TRPC6: variants seen among roughly 807,000 people sequenced by gnomAD.
The protein encoded by TRPC6 is transient receptor potential cation channel subfamily C member 6.
A neutral mutation model predicts 90.7 loss-of-function variants in TRPC6; 55 were observed. The observed-to-expected ratio is 0.61, with a 90% confidence interval of 0.49 to 0.76. TRPC6 has a LOEUF of 0.76. Among genes scored for constraint, TRPC6 ranks in the 30% least tolerant of loss-of-function variants. TRPC6 has a pLI of 0.00. For missense variants in TRPC6, 989 were observed against 1,122.7 expected, an observed-to-expected ratio of 0.88 and a Z score of 1.70; for synonymous variants, 393 against 393.0, an observed-to-expected ratio of 1.00 and a Z score of 0.00.
intron 1 of TRPC6, among the ~76,000 whole-genome samples, chr11:101,566,723 C>A (rs1024229027): frequency 6.6e-6 from 1 of 152,110 alleles, no homozygotes; most frequent in African/African-American, 2.4e-5. Context: ...GGGTGCAACA[C>A]AAGGAGGGCC....
At chr11:101,470,458 C>T (rs118139389) in intron 9 of TRPC6, among the ~76,000 whole-genome samples, 2 of 152,226 alleles carry the variant, frequency 1.3e-5, no homozygotes, top group East Asian at 3.9e-4. Flanking sequence ...CCTCTGGATA[C>T]ACCTGGTATC....
chr11:101,474,550 T>G (rs1445985485), intron 6 of TRPC6, among the ~76,000 whole-genome samples: 1 of 152,148 alleles, frequency 6.6e-6, no homozygotes, highest in African/African-American at 2.4e-5. Context: ...AAAAGCAGTT[T>G]CCTTTTTTAT....
chr11:101,539,965 T>G (rs1417726869), intron 1 of TRPC6, among the ~76,000 whole-genome samples: 1 of 152,212 alleles, frequency 6.6e-6, no homozygotes, highest in African/African-American at 2.4e-5. Context: ...ATGGGAGCAT[T>G]TGTTTTTATT....
chr11:101,499,441 C>A (rs1474753970), intron 2 of TRPC6, among the ~76,000 whole-genome samples: 3 of 149,720 alleles, frequency 2.0e-5, no homozygotes, highest in African/African-American at 7.5e-5. Context: ...ATATTTATTC[C>A]TACTACTATT....
At chr11:101,539,334 A>G in intron 1 of TRPC6, among the ~76,000 whole-genome samples, 1 of 151,864 alleles carries the variant, frequency 6.6e-6, no homozygotes, top group East Asian at 1.9e-4. Flanking sequence ...TAGAGTGAGG[A>G]AAACCCTCCC....
intron 4 of TRPC6, among the ~76,000 whole-genome samples, chr11:101,485,657 T>C (rs890295192): frequency 1.3e-5 from 2 of 152,096 alleles, no homozygotes; most frequent in Admixed American, 1.3e-4. Flanking sequence ...GTGAAATTCA[T>C]GAAAAAGTTA....
chr11:101,522,357 C>T (rs1211961649), intron 1 of TRPC6, among the ~76,000 whole-genome samples: 4 of 152,174 alleles, frequency 2.6e-5, no homozygotes, highest in African/African-American at 7.2e-5. Flanking sequence ...GTGCCTGCTT[C>T]GCCTTGCCTT....
chr11:101,543,334 C>T (rs971634259), intron 1 of TRPC6, among the ~76,000 whole-genome samples: 1 of 151,968 alleles, frequency 6.6e-6, no homozygotes, highest in Non-Finnish European at 1.5e-5. Context: ...ACTCTATGAC[C>T]ATGCAATCCC....
intron 10 of TRPC6, among the ~76,000 whole-genome samples, chr11:101,455,997 AAT>A (rs1290014261): frequency 2.0e-5 from 3 of 152,090 alleles, no homozygotes; most frequent in Non-Finnish European, 2.9e-5. Flanking sequence ...AATAATAAAC[AAT>A]ATATAAATTT....
rs1383044275 is a variant in TRPC6, at chr11:101,583,957, T to C, written c.-454A>G. 6.4e-6 allele frequency: 1 copy of C among 156,436 alleles called. No individual in the cohort carries two copies. Among genetic ancestry groups the C allele is most frequent in the Non-Finnish European group, 1.4e-5 (1 of 71,096 alleles). The allele number at this position is 156,436 out of a possible 1,614,324, so 9.7% of individuals were successfully genotyped here. A position where few individuals can be genotyped will look rare whatever the true frequency, so the allele number is the denominator to read the frequency against. On this transcript the variant is annotated 5_prime_UTR_variant, in exon 1 of 13. Transcript: ENST00000344327. Reference sequence around the variant, plus strand: ...CTTTAAAGGGATCCGAGCGACGTTCTAGAAAGCAGCCAAAGCCTGTCCTGT... The same window carrying C: ...CTTTAAAGGGATCCGAGCGACGTTCCAGAAAGCAGCCAAAGCCTGTCCTGT...
At chr11:101,506,529 A>G (rs984578111) in intron 1 of TRPC6, among the ~76,000 whole-genome samples, 1 of 152,072 alleles carries the variant, frequency 6.6e-6, no homozygotes, top group South Asian at 2.1e-4. Flanking sequence ...ATTGACAAAT[A>G]TTTTTCATAG....
At chr11:101,519,032 C>A (rs1860588910) in intron 1 of TRPC6, among the ~76,000 whole-genome samples, 1 of 152,022 alleles carries the variant, frequency 6.6e-6, no homozygotes, top group Non-Finnish European at 1.5e-5. Context: ...AGAATGGTTA[C>A]CAGAGGCTGG....
At chr11:101,572,402 C>T (rs1224462190) in intron 1 of TRPC6, among the ~76,000 whole-genome samples, 1 of 152,210 alleles carries the variant, frequency 6.6e-6, no homozygotes, top group Non-Finnish European at 1.5e-5. Flanking sequence ...CACTTTTACA[C>T]TGTTGGTGGG....
At position 101,452,520 on chromosome 11, in the gene TRPC6, C is replaced by G. The variant is rs1357511011; in HGVS notation, c.*435G>C. Reference sequence around the variant, plus strand: ...TCTAAAGGCCCATGGGCTACTTTTTCCCAAATTTCAGAGCTGGGAGTCCCC... The same window carrying G: ...TCTAAAGGCCCATGGGCTACTTTTTGCCAAATTTCAGAGCTGGGAGTCCCC... On this transcript the variant is annotated 3_prime_UTR_variant, in exon 13 of 13. Coordinates refer to ENST00000344327, the MANE Select transcript of TRPC6 (RefSeq NM_004621.6). 1 of 178,790 alleles carries G rather than the reference C, an allele frequency of 5.6e-6. No homozygotes were observed. Among genetic ancestry groups the G allele is most frequent in the Admixed American group, 5.4e-5 (1 of 18,448 alleles). The allele number at this position is 178,790 out of a possible 1,614,324, so 11.1% of individuals were successfully genotyped here. A position where few individuals can be genotyped will look rare whatever the true frequency, so the allele number is the denominator to read the frequency against.
intron 1 of TRPC6, among the ~76,000 whole-genome samples, chr11:101,575,248 A>C (rs2136895724): frequency 6.6e-6 from 1 of 152,334 alleles, no homozygotes; most frequent in East Asian, 1.9e-4. Context: ...TGCAATCTTT[A>C]GTCATGATCA....
At chr11:101,563,181 A>G (rs1861752394) in intron 1 of TRPC6, among the ~76,000 whole-genome samples, 1 of 152,206 alleles carries the variant, frequency 6.6e-6, no homozygotes, top group African/African-American at 2.4e-5. Context: ...GGCAGAGCAG[A>G]TAATGAACAC....
chr11:101,583,653 A>G lies in TRPC6; in HGVS notation c.-150T>C. On this transcript the variant is annotated 5_prime_UTR_variant, in exon 1 of 13. Transcript: ENST00000344327. ...GGGACGACGGTGAAGCAGGGGGTGC[A>G]GACGCCCGCCGCAAGTGGCTCGCCC... 1 of 811,634 alleles carries G rather than the reference A, an allele frequency of 1.2e-6. No homozygotes were observed. Among genetic ancestry groups the G allele is most frequent in the Non-Finnish European group, 1.8e-6 (1 of 570,198 alleles). 50.3% of individuals were successfully genotyped at this position (811,634 alleles called of 1,614,324 possible). A position where few individuals can be genotyped will look rare whatever the true frequency, so the allele number is the denominator to read the frequency against.
chr11:101,515,138 C>T (rs1188338394), intron 1 of TRPC6, among the ~76,000 whole-genome samples: 1 of 152,200 alleles, frequency 6.6e-6, no homozygotes, highest in Non-Finnish European at 1.5e-5. Context: ...TTAAATCCTT[C>T]TTAATCATAA....
intron 1 of TRPC6, among the ~76,000 whole-genome samples, chr11:101,554,730 T>G (rs1320710944): frequency 6.6e-6 from 1 of 152,198 alleles, no homozygotes; most frequent in Non-Finnish European, 1.5e-5. Flanking sequence ...ATCAACAAAA[T>G]TCTTTATTAA....
Sources: gnomAD v4.1 joint callset for allele counts (sites outside exome capture counted in the v4.1 genomes callset) on GRCh38, gnomAD v4.1.1 for gene constraint, MANE v1.5 for transcripts, NCBI Gene and HGNC (gene_info 2026-07-23, HGNC 2026-07-21) for gene names.